PRKN: variants seen among roughly 807,000 people sequenced by gnomAD.
PRKN encodes E3 ubiquitin-protein ligase parkin.
Under a neutral mutation model 59.5 loss-of-function variants are expected in PRKN, and 56 were observed. The ratio of observed to expected loss-of-function variants is 0.94; its 90% CI spans 0.76 to 1.18. The LOEUF is 1.18. Among genes scored for constraint, PRKN ranks in the 50% most tolerant of loss-of-function variants. The probability of loss-of-function intolerance (pLI) is 0.00; values close to 1 mark genes in which losing one functional copy is unlikely to be tolerated. For synonymous variants in PRKN, 250 were observed against 222.1 expected, an observed-to-expected ratio of 1.13 and a Z score of -1.12; for missense variants, 657 against 596.4, an observed-to-expected ratio of 1.10 and a Z score of -1.06.
chr6:162,170,767 C>A (rs1286613492), intron 4 of PRKN, among the ~76,000 whole-genome samples: 1 of 152,008 alleles, frequency 6.6e-6, no homozygotes, highest in East Asian at 1.9e-4. Context: ...TAGTTCAGGA[C>A]CGAAAGAAGG....
In PRKN at chr6:162,376,727, G is replaced by A. The variant is rs577321989; in HGVS notation, c.171+66583C>T. Among the ~76,000 whole-genome samples, 26 of 142,984 alleles carry A rather than the reference G, an allele frequency of 1.8e-4. No homozygotes were observed. The South Asian group carries it at 1.9e-3, about 11-fold the overall frequency. 93.8% of individuals were successfully genotyped at this position (142,984 alleles called of 152,430 possible). ...AGAGAGAGGGGGAAAGGGAAGGGGA[G>A]AGGGAGGGAGTGGGAGAGGGAGACG... On this transcript the variant is annotated intron_variant, in intron 2 of 11. Coordinates refer to ENST00000366898, the MANE Select transcript of PRKN (RefSeq NM_004562.3).
chr6:161,819,214 C>T (rs1791916797), intron 6 of PRKN, among the ~76,000 whole-genome samples: 1 of 152,022 alleles, frequency 6.6e-6, no homozygotes. Context: ...AAAATAATAG[C>T]AGGCCAGGCA....
At chr6:162,544,928 C>A (rs2128201241) in intron 1 of PRKN, among the ~76,000 whole-genome samples, 1 of 150,376 alleles carries the variant, frequency 6.6e-6, no homozygotes, top group Admixed American at 6.6e-5. Flanking sequence ...CCACCCACCT[C>A]AGCCTCCCAA....
intron 7 of PRKN, among the ~76,000 whole-genome samples, chr6:161,706,201 A>G (rs903681258): frequency 2.0e-5 from 3 of 152,116 alleles, no homozygotes; most frequent in Non-Finnish European, 2.9e-5. Flanking sequence ...CATGGCTTTC[A>G]CGGGATCCCT....
At chr6:161,720,861 C>A (rs1347501296) in intron 7 of PRKN, among the ~76,000 whole-genome samples, 1 of 151,512 alleles carries the variant, frequency 6.6e-6, no homozygotes, top group Non-Finnish European at 1.5e-5. Context: ...AAATGTTGTT[C>A]TCAATCAGTT....
intron 1 of PRKN, among the ~76,000 whole-genome samples, chr6:162,595,291 TATC>T (rs1781458626): frequency 6.6e-6 from 1 of 152,096 alleles, no homozygotes; most frequent in Admixed American, 6.6e-5. Flanking sequence ...ACTGAGTTTC[TATC>T]ACCCAACCTG....
chr6:162,006,781 A>T (rs183821789), intron 5 of PRKN, among the ~76,000 whole-genome samples: 1 of 152,228 alleles, frequency 6.6e-6, no homozygotes, highest in East Asian at 1.9e-4. Flanking sequence ...GCATGATGAC[A>T]TCCCATACTG....
At chr6:161,952,288 G>C (rs1780018936) in intron 6 of PRKN, among the ~76,000 whole-genome samples, 1 of 152,154 alleles carries the variant, frequency 6.6e-6, no homozygotes, top group Non-Finnish European at 1.5e-5. Context: ...TCAGTGAAGA[G>C]AGGCTTTATC....
chr6:162,430,515 A>G (rs936829837), intron 2 of PRKN, among the ~76,000 whole-genome samples: 1 of 151,632 alleles, frequency 6.6e-6, no homozygotes, highest in Non-Finnish European at 1.5e-5. Context: ...GGTGCCCAAT[A>G]AAAGACCGTT....
At position 161,909,095 on chromosome 6, in the gene PRKN, T is replaced by C. The variant is rs1583332036; in HGVS notation, c.734+64207A>G. 5.3e-5 allele frequency among the ~76,000 whole-genome samples: 8 copies of C among 152,238 alleles called. No individual in the cohort carries two copies. In the South Asian group the frequency reaches 1.7e-3, roughly 31 times the overall value. On this transcript the variant is annotated intron_variant, in intron 6 of 11. Coordinates refer to ENST00000366898, the MANE Select transcript of PRKN (RefSeq NM_004562.3). ...GTTTGTTGGTACTTCCTGTTCTTTC[T>C]TTATAAAATACATGGAGAACTAAAT...
chr6:162,533,461 GA>G (rs1437715529), intron 1 of PRKN, among the ~76,000 whole-genome samples: 1 of 152,172 alleles, frequency 6.6e-6, no homozygotes, highest in Non-Finnish European at 1.5e-5. Context: ...CCAGGAGGTG[GA>G]GGTTGCAGTG....
chr6:161,822,823 A>G (rs1311166641), intron 6 of PRKN, among the ~76,000 whole-genome samples: 1 of 151,942 alleles, frequency 6.6e-6, no homozygotes, highest in East Asian at 1.9e-4. Context: ...CTTGTTAAAA[A>G]CCCTTTTATC....
intron 7 of PRKN, among the ~76,000 whole-genome samples, chr6:161,730,162 T>C (rs1787621254): frequency 6.6e-6 from 1 of 151,836 alleles, no homozygotes; most frequent in Admixed American, 6.6e-5. Flanking sequence ...ATGTGTTGCA[T>C]TCTTTCTGAT....
chr6:162,689,328 GA>G (rs776314629), intron 1 of PRKN, among the ~76,000 whole-genome samples: 10 of 152,108 alleles, frequency 6.6e-5, no homozygotes, highest in South Asian at 4.2e-4. Flanking sequence ...ATGAATTTGT[GA>G]ACACTGAAGA....
intron 5 of PRKN, among the ~76,000 whole-genome samples, chr6:161,999,241 C>T (rs1375670784): frequency 6.6e-6 from 1 of 152,046 alleles, no homozygotes; most frequent in Non-Finnish European, 1.5e-5. Flanking sequence ...AGAGAAGAGG[C>T]AGTCTGGATA....
chr6:161,380,635 C>G (rs1250511365), intron 10 of PRKN, among the ~76,000 whole-genome samples: 3 of 152,032 alleles, frequency 2.0e-5, no homozygotes, highest in African/African-American at 7.2e-5. Flanking sequence ...CTTCTTCTTC[C>G]TTCTTTCCAC....
intron 2 of PRKN, among the ~76,000 whole-genome samples, chr6:162,424,739 A>G (rs1333681279): frequency 7.1e-6 from 1 of 141,316 alleles, no homozygotes; most frequent in African/African-American, 2.6e-5. Flanking sequence ...TGTCTCAAAG[A>G]AAAAAAAAAA....
chr6:162,098,545 C>G (rs1039013846), intron 4 of PRKN, among the ~76,000 whole-genome samples: 11 of 152,294 alleles, frequency 7.2e-5, no homozygotes, highest in African/African-American at 2.4e-4. Context: ...ATGCTCGCAG[C>G]TACATCTCTC....
chr6:162,453,104 G>A (rs1228746201), intron 1 of PRKN, among the ~76,000 whole-genome samples: 2 of 152,112 alleles, frequency 1.3e-5, no homozygotes, highest in Non-Finnish European at 2.9e-5. Context: ...TGGAAGAGGT[G>A]CCCGGTACTG....
Sources: gnomAD v4.1 joint callset for allele counts (sites outside exome capture counted in the v4.1 genomes callset) on GRCh38, gnomAD v4.1.1 for gene constraint, MANE v1.5 for transcripts, NCBI Gene and HGNC (gene_info 2026-07-23, HGNC 2026-07-21) for gene names.